The following BMPR1A variants were observed in gnomAD, a reference collection of about 807,000 sequenced individuals.
BMPR1A encodes bone morphogenetic protein receptor type-1A.
Under a neutral mutation model 66.0 loss-of-function variants are expected in BMPR1A, and 7 were observed. The observed-to-expected ratio is 0.11, with a 90% CI of 0.06 to 0.20. The LOEUF is 0.20. Among genes scored for constraint, BMPR1A ranks in the 10% least tolerant of loss-of-function variants. BMPR1A has a pLI of 1.00. For missense variants in BMPR1A, 408 were observed against 669.1 expected (o/e 0.61, Z 4.31); for synonymous variants, 200 against 229.7 (o/e 0.87, Z 1.17).
chr10:86,831,293 CTTATT>C (rs1842264017), intron 1 of BMPR1A, among the ~76,000 whole-genome samples: 1 of 152,030 alleles, frequency 6.6e-6, no homozygotes, highest in South Asian at 2.1e-4. Flanking sequence ...GGAGGATTAA[CTTATT>C]TTATAGTTTT....
chr10:86,801,956 T>C (rs1201405928), intron 1 of BMPR1A, among the ~76,000 whole-genome samples: 2 of 152,040 alleles, frequency 1.3e-5, no homozygotes, highest in African/African-American at 2.4e-5. Context: ...CCTTGTGATC[T>C]GCCCCCCTCC....
chr10:86,875,796 C>A (rs967186945), intron 2 of BMPR1A, 71 bp from the exon 3 acceptor site: 14 of 578,418 alleles, frequency 2.4e-5, no homozygotes, highest in African/African-American at 2.3e-4. Context: ...GCATTTGTTT[C>A]CCTTTTAGTT....
At chr10:86,793,791 G>C (rs1213719282) in intron 1 of BMPR1A, among the ~76,000 whole-genome samples, 2 of 152,202 alleles carry the variant, frequency 1.3e-5, no homozygotes, top group African/African-American at 4.8e-5. Context: ...CTGCAGGTCA[G>C]AAGTCCAACA....
chr10:86,896,219 G>A, intron 5 of BMPR1A, among the ~76,000 whole-genome samples: 1 of 151,100 alleles, frequency 6.6e-6, no homozygotes, highest in African/African-American at 2.4e-5. Context: ...GGGAGGCAGA[G>A]GTTGTAGTGA....
At position 86,813,659 on chromosome 10, in the gene BMPR1A, C is replaced by T. The variant is rs1035242556; in HGVS notation, c.-267-25206C>T. ...CATGCGCTCTCCATTTCCCCCCATT[C>T]CCTGTGCAGTTGTCTTCCATATATC... On this transcript the variant is annotated intron_variant, in intron 1 of 12. Coordinates refer to ENST00000372037, the MANE Select transcript of BMPR1A (RefSeq NM_004329.3). Among the ~76,000 whole-genome samples the T allele has an allele frequency of 2.0e-5, 3 of 152,180 alleles. No homozygotes were observed. The South Asian group carries it at 6.2e-4, about 31-fold the overall frequency.
At chr10:86,929,167 T>C (rs913322246), downstream of BMPR1A, 2 of 152,218 alleles carry the variant, frequency 1.3e-5, no homozygotes, top group Non-Finnish European at 2.9e-5. Context: ...TATTTTCTTA[T>C]ATTACATTTC....
chr10:86,917,430 C>T, intron 9 of BMPR1A, 104 bp downstream of exon 9: 3 of 1,385,560 alleles, frequency 2.2e-6, no homozygotes, highest in Middle Eastern at 3.5e-4. Flanking sequence ...CAACTATATA[C>T]ATTTGGCTAA....
At chr10:86,845,538 A>G (rs1451291498) in intron 2 of BMPR1A, among the ~76,000 whole-genome samples, 1 of 152,178 alleles carries the variant, frequency 6.6e-6, no homozygotes, top group African/African-American at 2.4e-5. Flanking sequence ...GGTGCTGTGC[A>G]TGCCACATAG....
intron 7 of BMPR1A, among the ~76,000 whole-genome samples, chr10:86,910,671 C>T (rs988554693): frequency 2.0e-5 from 3 of 151,968 alleles, no homozygotes; most frequent in African/African-American, 7.3e-5. Context: ...GAGTCAATTA[C>T]CCATATAAAG....
intron 1 of BMPR1A, among the ~76,000 whole-genome samples, chr10:86,779,982 T>C (rs1032559315): frequency 2.0e-5 from 3 of 152,120 alleles, no homozygotes; most frequent in Non-Finnish European, 4.4e-5. Flanking sequence ...CCTAACTCAT[T>C]ATAACCTTGA....
At chr10:86,762,393 A>G (rs1040659374) in intron 1 of BMPR1A, among the ~76,000 whole-genome samples, 2 of 152,060 alleles carry the variant, frequency 1.3e-5, no homozygotes, top group Non-Finnish European at 2.9e-5. Flanking sequence ...GAGTCTTGCT[A>G]TGTTTCCCAG....
Position 86,924,174 on chromosome 10 carries a change from G to A in BMPR1A, c.*455G>A, listed in dbSNP as rs534009025. On this transcript the variant is annotated 3_prime_UTR_variant, in exon 13 of 13. Transcript: ENST00000372037. ...TTCTACCTTTGTAAAACAGCCTATA[G>A]ATGATGATGTGTTTGGGATACTGCT... is the stretch of plus-strand genomic sequence containing the variant. The A allele has an allele frequency of 3.4e-5, 11 of 325,356 alleles. No homozygotes were observed. The highest frequency in any genetic ancestry group is 2.8e-4 in the South Asian group (5 of 17,856). The allele number at this position is 325,356 out of a possible 1,614,324, so 20.2% of individuals were successfully genotyped here. A position where few individuals can be genotyped will look rare whatever the true frequency, so the allele number is the denominator to read the frequency against.
At chr10:86,902,989 A>G (rs1456507530) in intron 7 of BMPR1A, among the ~76,000 whole-genome samples, 1 of 152,208 alleles carries the variant, frequency 6.6e-6, no homozygotes, top group Non-Finnish European at 1.5e-5. Context: ...AGTGGTGGGG[A>G]ATAATTAGCC....
chr10:86,792,797 C>G (rs1283014961), intron 1 of BMPR1A, among the ~76,000 whole-genome samples: 1 of 152,140 alleles, frequency 6.6e-6, no homozygotes, highest in East Asian at 1.9e-4. Flanking sequence ...TGATGGGTAT[C>G]AGATCACAAT....
At chr10:86,784,692 T>C (rs905371039) in intron 1 of BMPR1A, among the ~76,000 whole-genome samples, 1 of 152,294 alleles carries the variant, frequency 6.6e-6, no homozygotes, top group East Asian at 1.9e-4. Flanking sequence ...TTACTAGTTA[T>C]AGGTTTGTTA....
chr10:86,869,980 A>G (rs966966790), intron 2 of BMPR1A, among the ~76,000 whole-genome samples: 2 of 152,174 alleles, frequency 1.3e-5, no homozygotes, highest in African/African-American at 4.8e-5. Context: ...ATTCCCCAAA[A>G]TCACACAGCA....
At chr10:86,795,070 TGAACTCCC>T (rs1395842727) in intron 1 of BMPR1A, among the ~76,000 whole-genome samples, 1 of 152,010 alleles carries the variant, frequency 6.6e-6, no homozygotes, top group Non-Finnish European at 1.5e-5. Flanking sequence ...AGGCTGGTCT[TGAACTCCC>T]GACCTCAGGT....
intron 2 of BMPR1A, among the ~76,000 whole-genome samples, chr10:86,858,587 T>C (rs1842675467): frequency 1.3e-5 from 2 of 152,152 alleles, no homozygotes; most frequent in African/African-American, 4.8e-5. Flanking sequence ...TAAATGAATT[T>C]AGTAAGGTTG....
At chr10:86,770,758 A>G (rs1380219496) in intron 1 of BMPR1A, among the ~76,000 whole-genome samples, 1 of 152,256 alleles carries the variant, frequency 6.6e-6, no homozygotes, top group Non-Finnish European at 1.5e-5. Context: ...ACCAAAAGCT[A>G]TAGGAACTTT....
Sources: allele counts gnomAD v4.1 joint callset (sites outside exome capture counted in the v4.1 genomes callset), GRCh38; gene constraint gnomAD v4.1.1; transcripts MANE v1.5; gene names NCBI Gene and HGNC (gene_info 2026-07-23, HGNC 2026-07-21).